The following MAGI2 variants were observed in gnomAD, a reference collection of about 807,000 sequenced individuals.
The protein encoded by MAGI2 is membrane associated guanylate kinase, WW and PDZ domain containing 2.
MAGI2 carries 35 observed loss-of-function variants against 133.3 expected under a neutral mutation model. The ratio of observed to expected loss-of-function variants is 0.26; its 90% CI spans 0.20 to 0.35. The LOEUF (loss-of-function observed/expected upper bound fraction) is 0.35, where lower values mean the gene tolerates loss of function less well. Ranked by LOEUF, MAGI2 falls within the 10% of genes least tolerant of loss-of-function variation. The probability of loss-of-function intolerance (pLI) is 1.00; values close to 1 mark genes in which losing one functional copy is unlikely to be tolerated. For missense variants in MAGI2, 1,636 were observed against 1,863.4 expected (o/e 0.88, Z 2.25); for synonymous variants, 729 against 710.6 (o/e 1.03, Z -0.41).
chr7:78,286,157 T>TA (rs773572739), intron 9 of MAGI2, among the ~76,000 whole-genome samples: 2 of 152,108 alleles, frequency 1.3e-5, no homozygotes, highest in African/African-American at 4.8e-5. Context: ...TAGGTCAAGG[T>TA]AAAAAAATTT....
At chr7:79,326,177 A>C (rs1325245706) in intron 1 of MAGI2, among the ~76,000 whole-genome samples, 1 of 95,058 alleles carries the variant, frequency 1.1e-5, no homozygotes, top group Non-Finnish European at 2.1e-5. Flanking sequence ...GATGGTGAAC[A>C]AAGTATATAG....
chr7:78,272,550 T>C (rs758970132), intron 9 of MAGI2, among the ~76,000 whole-genome samples: 1 of 152,156 alleles, frequency 6.6e-6, no homozygotes, highest in Non-Finnish European at 1.5e-5. Context: ...TGTTAAAGTC[T>C]CCCGTTATTA....
chr7:78,502,573 A>G (rs939723812), intron 4 of MAGI2, among the ~76,000 whole-genome samples: 1 of 115,100 alleles, frequency 8.7e-6, no homozygotes, highest in African/African-American at 3.1e-5. Flanking sequence ...GTATATTGTT[A>G]TGATTATTCT....
Position 78,360,506 on chromosome 7 carries a change from G to A in MAGI2, c.1103+8650C>T, listed in dbSNP as rs563546922. On this transcript the variant is annotated intron_variant, in intron 7 of 21. Coordinates refer to ENST00000354212, the MANE Select transcript of MAGI2 (RefSeq NM_012301.4). Reference sequence around the variant, plus strand: ...TAGCATGAGACAATCTGCAGTTCACGCACAAGAAGCAGAGCATGTTTAATC... The same window carrying A: ...TAGCATGAGACAATCTGCAGTTCACACACAAGAAGCAGAGCATGTTTAATC... Among the ~76,000 whole-genome samples, 26 of 152,294 alleles carry A rather than the reference G, an allele frequency of 1.7e-4. No homozygotes were observed. The South Asian group carries it at 2.9e-3, about 17-fold the overall frequency.
intron 10 of MAGI2, among the ~76,000 whole-genome samples, chr7:78,243,249 ACACACACACACACACACACACTCTCT>A (rs1158017279): frequency 1.0e-4 from 4 of 40,074 alleles, no homozygotes; most frequent in East Asian, 1.6e-3. Context: ...ACACACACAC[ACACACACACACACACACACACTCTCT>A]CTCTCTCTCT....
At chr7:79,374,961 A>G (rs1432014510) in intron 1 of MAGI2, among the ~76,000 whole-genome samples, 1 of 151,882 alleles carries the variant, frequency 6.6e-6, no homozygotes, top group East Asian at 1.9e-4. Flanking sequence ...AGCACTCATC[A>G]AATGGCCATG....
intron 11 of MAGI2, among the ~76,000 whole-genome samples, chr7:78,199,018 C>A (rs1828994602): frequency 6.6e-6 from 1 of 152,150 alleles, no homozygotes; most frequent in Non-Finnish European, 1.5e-5. Flanking sequence ...TAGGAGGAAG[C>A]TAGAGCTCAC....
chr7:78,127,868 AAAACATGAT>A (rs536491318), intron 18 of MAGI2, among the ~76,000 whole-genome samples: 35 of 152,338 alleles, frequency 2.3e-4, no homozygotes, highest in Non-Finnish European at 3.5e-4. Flanking sequence ...TTACTTCATA[AAAACATGAT>A]TGAAGTGATC....
At chr7:79,093,712 TTC>T (rs1179139543) in intron 1 of MAGI2, among the ~76,000 whole-genome samples, 4 of 111,008 alleles carry the variant, frequency 3.6e-5, no homozygotes, top group Non-Finnish European at 7.8e-5. Context: ...TTCTTTTCTT[TTC>T]TTTTTTTTTT....
At chr7:78,378,099 A>G (rs1794611967) in intron 6 of MAGI2, among the ~76,000 whole-genome samples, 1 of 152,122 alleles carries the variant, frequency 6.6e-6, no homozygotes, top group Non-Finnish European at 1.5e-5. Context: ...ATGATGAAAT[A>G]AAATTTAAAA....
rs144044935 is a variant in MAGI2, at chr7:79,153,875, G to A, written c.302-146669C>T. 4.8e-3 allele frequency among the ~76,000 whole-genome samples: 726 copies of A among 152,244 alleles called. 3 individuals carry two copies. The highest frequency in any genetic ancestry group is 8.7e-3 in the Non-Finnish European group (590 of 68,014). ...CTGTGATCTAGTGTATAAAATTAAA[G>A]TCCTGGCATTTTCCACACCAAAATG... On this transcript the variant is annotated intron_variant, in intron 1 of 21. Coordinates refer to ENST00000354212, the MANE Select transcript of MAGI2 (RefSeq NM_012301.4).
intron 2 of MAGI2, among the ~76,000 whole-genome samples, chr7:78,978,077 T>A (rs534233026): frequency 1.3e-5 from 2 of 151,850 alleles, no homozygotes; most frequent in East Asian, 2.0e-4. Context: ...GCTGGAGTAA[T>A]AAAAAATAAT....
At chr7:79,360,671 G>T (rs1842322760) in intron 1 of MAGI2, among the ~76,000 whole-genome samples, 2 of 152,022 alleles carry the variant, frequency 1.3e-5, no homozygotes, top group African/African-American at 4.8e-5. Flanking sequence ...TATGTATATT[G>T]TAACACCCAG....
intron 2 of MAGI2, among the ~76,000 whole-genome samples, chr7:78,718,525 C>T (rs963122470): frequency 6.6e-6 from 1 of 151,966 alleles, no homozygotes; most frequent in Non-Finnish European, 1.5e-5. Context: ...GGAACCCTAT[C>T]TTGAACAGTG....
intron 1 of MAGI2, among the ~76,000 whole-genome samples, chr7:79,097,544 C>G (rs1312371435): frequency 2.2e-4 from 34 of 152,002 alleles, no homozygotes; most frequent in Admixed American, 2.2e-3. Context: ...AGACTCTCAC[C>G]CACAAGGCAG....
chr7:78,995,928 C>T (rs1164878191), intron 2 of MAGI2, among the ~76,000 whole-genome samples: 2 of 152,150 alleles, frequency 1.3e-5, no homozygotes, highest in Non-Finnish European at 2.9e-5. Context: ...CAATTTCCCA[C>T]ATGTCTTCAA....
At chr7:78,082,096 G>A (rs1585044696) in intron 20 of MAGI2, among the ~76,000 whole-genome samples, 2 of 152,192 alleles carry the variant, frequency 1.3e-5, no homozygotes, top group East Asian at 3.9e-4. Flanking sequence ...CTTGTGTCCT[G>A]AGACTGACAT....
At chr7:78,970,111 T>TA (rs1803663614) in intron 2 of MAGI2, among the ~76,000 whole-genome samples, 2 of 152,070 alleles carry the variant, frequency 1.3e-5, no homozygotes, top group Non-Finnish European at 2.9e-5. Flanking sequence ...CATTTGTTGA[T>TA]TATCCTATGT....
chr7:78,972,907 A>C (rs1803909080), intron 2 of MAGI2, among the ~76,000 whole-genome samples: 1 of 150,294 alleles, frequency 6.7e-6, no homozygotes, highest in Non-Finnish European at 1.5e-5. Flanking sequence ...TAAAGAGGAG[A>C]TAGTTTGTGA....
Sources: allele counts gnomAD v4.1 joint callset (sites outside exome capture counted in the v4.1 genomes callset), GRCh38; gene constraint gnomAD v4.1.1; transcripts MANE v1.5; gene names NCBI Gene and HGNC (gene_info 2026-07-23, HGNC 2026-07-21).